KIAA1217: variants seen among roughly 807,000 people sequenced by gnomAD.
The protein encoded by KIAA1217 is KIAA1217, also known as sickle tail protein homolog.
KIAA1217 carries 88 observed loss-of-function variants against 163.9 expected under a neutral mutation model. The observed-to-expected ratio is 0.54, with a 90% CI of 0.45 to 0.64. The LOEUF (loss-of-function observed/expected upper bound fraction) is 0.64, where lower values mean the gene tolerates loss of function less well. Among genes scored for constraint, KIAA1217 ranks in the 30% least tolerant of loss-of-function variants. The probability of loss-of-function intolerance (pLI) is 0.00; values close to 1 mark genes in which losing one functional copy is unlikely to be tolerated. For synonymous variants in KIAA1217, 903 were observed against 923.1 expected (o/e 0.98, Z 0.39); for missense variants, 2,372 against 2,475.0 (o/e 0.96, Z 0.88).
Position 24,542,901 on chromosome 10 carries a change from A to G in KIAA1217, c.3631A>G (p.Arg1211Gly), listed in dbSNP as rs1449125787. ...CTCTCAGGTTACCACAGGGGCTGTAAGACCTAGTGACCCTCCTAAGTGGGA... is the reference window on the plus strand; with the variant it reads ...CTCTCAGGTTACCACAGGGGCTGTAGGACCTAGTGACCCTCCTAAGTGGGA... ...EFQKVTTGAV[R>G]PSDPPKWERG... Residue 1211 changes from arginine (R) to glycine (G), a missense_variant, in exon 19 of 21, where the codon AGA (arginine) becomes GGA (glycine). By Grantham distance (125) the Arg-to-Gly change is moderately radical. Transcript: ENST00000376454. The G allele has an allele frequency of 1.9e-6, 3 of 1,611,298 alleles. No homozygotes were observed. The African/African-American group carries it at 4.0e-5, about 22-fold the overall frequency.
intron 2 of KIAA1217, among the ~76,000 whole-genome samples, chr10:24,186,666 A>G (rs2066445823): frequency 6.6e-6 from 1 of 152,078 alleles, no homozygotes; most frequent in Non-Finnish European, 1.5e-5. Context: ...TGAGGCGGGC[A>G]GATCACCTGA....
At position 24,473,771 on chromosome 10, in the gene KIAA1217, C is replaced by A; in HGVS notation, c.1390C>A (p.Pro464Thr). Residue 464 changes from proline to threonine, a missense_variant, in exon 6 of 21, where the codon CCT becomes ACT. Pro to Thr is a conservative substitution (Grantham distance 38). Transcript: ENST00000376454. ...AAGGAAATATCCGGATAGCCATTTG[C>A]CTACACTGGGCTCCAAAACACCCCC... ...KSRKYPDSHL[P>T]TLGSKTPPAS... 1 of 1,614,108 alleles carries A rather than the reference C, an allele frequency of 6.2e-7. No individual in the cohort carries two copies. Among genetic ancestry groups the A allele is most frequent in the Non-Finnish European group, 8.5e-7 (1 of 1,180,026 alleles).
intron 1 of KIAA1217, among the ~76,000 whole-genome samples, chr10:23,733,216 T>C (rs918753785): frequency 3.9e-5 from 6 of 152,254 alleles, no homozygotes; most frequent in Admixed American, 6.5e-5. Flanking sequence ...TTTCACCATA[T>C]TGGCCAGGCT....
chr10:24,386,515 C>T (rs991000771), intron 3 of KIAA1217, among the ~76,000 whole-genome samples: 3 of 152,150 alleles, frequency 2.0e-5, no homozygotes, highest in Non-Finnish European at 4.4e-5. Context: ...TAATGTGAGA[C>T]TGTCTGAATG....
At chr10:24,008,404 T>C (rs57832059) in intron 2 of KIAA1217, among the ~76,000 whole-genome samples, 1,573 of 152,198 alleles carry the variant, frequency 0.01, 33 homozygotes, top group African/African-American at 0.036. Flanking sequence ...GGAAGTTCGC[T>C]TAATGATGGC....
chr10:24,535,650 G>GGACA (rs2073894968), intron 16 of KIAA1217, among the ~76,000 whole-genome samples: 1 of 152,120 alleles, frequency 6.6e-6, no homozygotes, highest in Non-Finnish European at 1.5e-5. Context: ...GGTGGCGGGT[G>GGACA]CCTGTCATCC....
At chr10:23,838,272 C>T (rs1838590848) in intron 1 of KIAA1217, among the ~76,000 whole-genome samples, 1 of 152,136 alleles carries the variant, frequency 6.6e-6, no homozygotes, top group South Asian at 2.1e-4. Flanking sequence ...AAAATGACAT[C>T]AGGTTGCCTT....
chr10:24,145,621 G>A (rs964536928), intron 2 of KIAA1217, among the ~76,000 whole-genome samples: 12 of 152,164 alleles, frequency 7.9e-5, no homozygotes, highest in Non-Finnish European at 1.3e-4. Context: ...TCCCATAACC[G>A]GCCATCTCCA....
At chr10:24,038,478 G>C (rs1005606590) in intron 2 of KIAA1217, among the ~76,000 whole-genome samples, 6 of 152,184 alleles carry the variant, frequency 3.9e-5, no homozygotes, top group Non-Finnish European at 8.8e-5. Flanking sequence ...AATGAGCTTG[G>C]TGTTCTCGGG....
At chr10:24,276,083 A>G (rs998284952) in intron 2 of KIAA1217, among the ~76,000 whole-genome samples, 1 of 152,194 alleles carries the variant, frequency 6.6e-6, no homozygotes, top group Admixed American at 6.5e-5. Context: ...CAGCAGCTTG[A>G]GGACTGTCAG....
At chr10:23,942,724 T>C (rs966916353) in intron 1 of KIAA1217, among the ~76,000 whole-genome samples, 1 of 152,252 alleles carries the variant, frequency 6.6e-6, no homozygotes, top group Non-Finnish European at 1.5e-5. Flanking sequence ...TGATACATTA[T>C]ATACAAGGTA....
rs999092651 is a variant in KIAA1217 at position 24,250,576 on chromosome 10, G to A, written c.354+30667G>A. Among the ~76,000 whole-genome samples the A allele has an allele frequency of 5.4e-5, 8 of 148,404 alleles. No individual in the cohort carries two copies. The South Asian group carries it at 1.3e-3, about 24-fold the overall frequency. On this transcript the variant is annotated intron_variant, in intron 2 of 20. Coordinates refer to ENST00000376454, the MANE Select transcript of KIAA1217 (RefSeq NM_019590.5). The stretch of plus-strand genomic sequence containing the variant: ...GCCTCTGGAGTAACTGGGACTACAT[G>A]TGCCTGCCACCACGCCTTGCTAATT...
At chr10:23,952,108 C>A (rs1253055405) in intron 1 of KIAA1217, among the ~76,000 whole-genome samples, 1 of 152,196 alleles carries the variant, frequency 6.6e-6, no homozygotes, top group African/African-American at 2.4e-5. Flanking sequence ...CATTACTTAA[C>A]AATTTGCTCT....
chr10:24,079,748 C>T lies in KIAA1217; in HGVS notation c.-171+72374C>T, dbSNP rs554067066. Among the ~76,000 whole-genome samples, 10 of 152,282 alleles carry T rather than the reference C, an allele frequency of 6.6e-5. No individual in the cohort carries two copies. The South Asian group carries it at 1.0e-3, about 16-fold the overall frequency. ...ACTTTTGGGATGATGGCAAAGCACA[C>T]GTCTGCATCCCCATCACTCACAGTC... On this transcript the variant is annotated intron_variant, in intron 2 of 18. Coordinates refer to the KIAA1217 transcript ENST00000376462.
At chr10:23,900,450 G>A (rs2131242441) in intron 1 of KIAA1217, among the ~76,000 whole-genome samples, 1 of 152,090 alleles carries the variant, frequency 6.6e-6, no homozygotes, top group Non-Finnish European at 1.5e-5. Flanking sequence ...AAGAACCAGA[G>A]ATATGATATA....
chr10:24,468,309 A>G (rs2063160896), intron 5 of KIAA1217, among the ~76,000 whole-genome samples: 1 of 152,166 alleles, frequency 6.6e-6, no homozygotes, highest in Non-Finnish European at 1.5e-5. Flanking sequence ...TGTGGTTTTA[A>G]AACAAATGTT....
chr10:23,751,508 T>C (rs1160270220), intron 1 of KIAA1217, among the ~76,000 whole-genome samples: 1 of 152,166 alleles, frequency 6.6e-6, no homozygotes, highest in Non-Finnish European at 1.5e-5. Context: ...TTATGTGTCA[T>C]GAGGTCCTTA....
At chr10:24,352,836 C>G (rs1001182412) in intron 2 of KIAA1217, among the ~76,000 whole-genome samples, 3 of 151,944 alleles carry the variant, frequency 2.0e-5, no homozygotes, top group Admixed American at 6.6e-5. Flanking sequence ...TGAGTGACCT[C>G]GACTTTGTCC....
intron 2 of KIAA1217, among the ~76,000 whole-genome samples, chr10:24,220,241 T>G (rs144003787): frequency 2.0e-5 from 3 of 152,128 alleles, no homozygotes; most frequent in African/African-American, 7.2e-5. Context: ...AATGAAGGGG[T>G]ATTATCTACT....
Sources: gnomAD v4.1 joint callset for allele counts (sites outside exome capture counted in the v4.1 genomes callset) on GRCh38, gnomAD v4.1.1 for gene constraint, MANE v1.5 for transcripts, NCBI Gene and HGNC (gene_info 2026-07-23, HGNC 2026-07-21) for gene names.